ZNF251: variants seen among roughly 807,000 people sequenced by gnomAD.
The protein encoded by ZNF251 is zinc finger protein 251.
Under a neutral mutation model 13.5 loss-of-function variants are expected in ZNF251, and 14 were observed. The observed-to-expected ratio is 1.04, with a 90% CI of 0.69 to 1.63. The LOEUF is 1.63. Among genes scored for constraint, ZNF251 ranks in the 40% most tolerant of loss-of-function variants. ZNF251 has a pLI of 0.00. For synonymous variants in ZNF251, 287 were observed against 295.2 expected, an observed-to-expected ratio of 0.97 and a Z score of 0.28; for missense variants, 764 against 834.9, an observed-to-expected ratio of 0.92 and a Z score of 1.05.
chr8:144,746,766 CT>C (rs35171055), intron 4 of ZNF251, among the ~76,000 whole-genome samples: 9,489 of 146,528 alleles, frequency 0.065, 818 homozygotes, highest in East Asian at 0.37. Flanking sequence ...AGTTGTTCAT[CT>C]TTTTTTTTTT....
Position 144,721,919 on chromosome 8 carries a change from G to A in ZNF251, c.1741C>T (p.Pro581Ser). 1 of 1,513,800 alleles carries A rather than the reference G, an allele frequency of 6.6e-7. No homozygotes were observed. Among genetic ancestry groups the A allele is most frequent in the Non-Finnish European group, 8.8e-7 (1 of 1,130,902 alleles). 93.8% of individuals were successfully genotyped at this position (1,513,800 alleles called of 1,614,324 possible). Reference protein sequence around the residue: ...YGKAFSPTSRPTEDQIMHAGE... With the variant: ...YGKAFSPTSRSTEDQIMHAGE... ...GCATGCATTATCTGATCTTCAGTGG[G>A]TCGTGAGGTGGGACTGAAAGCTTTT... is the stretch of plus-strand genomic sequence containing the variant. The change falls in exon 5 of 5, where the codon CCC (proline) becomes TCC (serine). Residue 581 changes from proline to serine, a missense_variant. Coordinates refer to ENST00000292562, the MANE Select transcript of ZNF251 (RefSeq NM_138367.2).
intron 4 of ZNF251, among the ~76,000 whole-genome samples, chr8:144,742,108 C>A (rs143095567): frequency 6.6e-6 from 1 of 151,846 alleles, no homozygotes. Flanking sequence ...GAGTGACCCA[C>A]GACACACCAC....
chr8:144,749,875 CTTTTTTTTCT>C (rs955998069), intron 4 of ZNF251, among the ~76,000 whole-genome samples: 1 of 129,176 alleles, frequency 7.7e-6, no homozygotes, highest in Non-Finnish European at 1.6e-5. Context: ...TTTTTCTTTT[CTTTTTTTTCT>C]TTTTTTTTTT....
intron 4 of ZNF251, among the ~76,000 whole-genome samples, chr8:144,741,277 G>A (rs1367460895): frequency 1.3e-5 from 2 of 152,230 alleles, no homozygotes; most frequent in Non-Finnish European, 2.9e-5. Flanking sequence ...AGGGCACAGT[G>A]GTGACAGCTC....
intron 4 of ZNF251, among the ~76,000 whole-genome samples, chr8:144,732,909 AT>A (rs907483710): frequency 1.3e-5 from 2 of 151,764 alleles, no homozygotes; most frequent in African/African-American, 4.8e-5. Context: ...AGCAGTAATA[AT>A]TTGCTTGTAT....
At chr8:144,735,211 C>T (rs547043094) in intron 4 of ZNF251, among the ~76,000 whole-genome samples, 12 of 151,702 alleles carry the variant, frequency 7.9e-5, no homozygotes, top group Non-Finnish European at 1.6e-4. Context: ...CATGGTAAAA[C>T]CCCATCTCTA....
chr8:144,754,498 T>C (rs1164113311), intron 2 of ZNF251, 177 bp from the exon 3 acceptor site: 1 of 1,446,692 alleles, frequency 6.9e-7, no homozygotes, highest in Non-Finnish European at 9.1e-7. Context: ...CAACTTCAGC[T>C]ACACGGGGAC....
intron 4 of ZNF251, among the ~76,000 whole-genome samples, chr8:144,752,081 T>G (rs1377439393): frequency 2.8e-5 from 4 of 142,662 alleles, no homozygotes; most frequent in African/African-American, 1.1e-4. Context: ...AATTCCACAA[T>G]CATACTTCTG....
Position 144,754,294 on chromosome 8 carries a change from C to A in ZNF251, c.61G>T (p.Ala21Ser). The stretch of plus-strand genomic sequence containing the variant: ...CCCTCCGCCTGAGAGAAGTACACGG[C>A]CACATCCTGGAAGGTCAGCGGCATC... ...QEMPLTFQDV[A>S]VYFSQAEGRQ... is the part of the protein sequence containing the mutation. The change falls in exon 3 of 5, where the codon GCC becomes TCC. Residue 21 changes from alanine (A) to serine (S), a missense_variant. Transcript: ENST00000292562. The A allele has an allele frequency of 6.2e-7, 1 of 1,612,302 alleles. No homozygotes were observed.
intron 4 of ZNF251, among the ~76,000 whole-genome samples, chr8:144,742,793 T>C (rs958928283): frequency 6.6e-6 from 1 of 152,168 alleles, no homozygotes; most frequent in African/African-American, 2.4e-5. Context: ...ACAAAGGGGA[T>C]TGGGTCCGAG....
At chr8:144,730,735 G>C (rs1050905460) in intron 4 of ZNF251, among the ~76,000 whole-genome samples, 1 of 152,232 alleles carries the variant, frequency 6.6e-6, no homozygotes, top group Non-Finnish European at 1.5e-5. Context: ...AGGACAGGAC[G>C]GAGCCTGTGG....
At chr8:144,736,455 T>TTTTTTTTA (rs1417364527) in intron 4 of ZNF251, among the ~76,000 whole-genome samples, 9 of 142,290 alleles carry the variant, frequency 6.3e-5, no homozygotes, top group Non-Finnish European at 1.1e-4. Context: ...CCTTCCTTTA[T>TTTTTTTTA]TTTATTTATT....
intron 4 of ZNF251, among the ~76,000 whole-genome samples, chr8:144,748,456 G>A (rs1824531737): frequency 6.6e-6 from 1 of 152,040 alleles, no homozygotes; most frequent in Non-Finnish European, 1.5e-5. Flanking sequence ...AGATATTTCC[G>A]CTTTCTTTGG....
intron 4 of ZNF251, among the ~76,000 whole-genome samples, chr8:144,748,720 C>T (rs1183229474): frequency 6.6e-6 from 1 of 152,058 alleles, no homozygotes; most frequent in Non-Finnish European, 1.5e-5. Flanking sequence ...CAACACCACA[C>T]CAAGCTAATT....
At chr8:144,755,148 CGT>C (rs1824899127) in intron 1 of ZNF251, 1 of 1,193,510 alleles carries the variant, frequency 8.4e-7, no homozygotes, top group African/African-American at 1.6e-5. Flanking sequence ...AGGCTGAGGA[CGT>C]GAGAAGGAGG....
Position 144,722,047 on chromosome 8 carries a change from G to A in ZNF251, c.1613C>T (p.Pro538Leu). ...GSSLTADGQI[P>L]TGEKHGRAFN... is the part of the protein sequence containing the mutation. Reference sequence around the variant, plus strand: ...GGCTCTGCCGTGCTTCTCTCCAGTGGGAATCTGTCCATCTGCTGTGAGGCT... The same window carrying A: ...GGCTCTGCCGTGCTTCTCTCCAGTGAGAATCTGTCCATCTGCTGTGAGGCT... Residue 538 changes from proline to leucine, a missense_variant, in exon 5 of 5, where the codon CCC becomes CTC. Physicochemically the swap from Pro to Leu is moderately conservative, Grantham distance 98 (BLOSUM62 -3). Transcript: ENST00000292562. The surrounding 1 kb of genome is among the most constrained non-coding windows in gnomAD (Gnocchi z 4.8). 1 of 1,608,424 alleles carries A rather than the reference G, an allele frequency of 6.2e-7. No individual in the cohort carries two copies. Among genetic ancestry groups the A allele is most frequent in the South Asian group, 1.1e-5 (1 of 89,890 alleles).
intron 4 of ZNF251, among the ~76,000 whole-genome samples, chr8:144,732,550 C>T (rs113630087): frequency 3.8e-4 from 58 of 152,276 alleles, no homozygotes; most frequent in African/African-American, 9.6e-4. Context: ...CGGTGGCTCA[C>T]GCCTGTAATC....
chr8:144,735,404 ATTTTGTAT>A (rs1440490300), intron 4 of ZNF251, among the ~76,000 whole-genome samples: 8 of 147,120 alleles, frequency 5.4e-5, no homozygotes, highest in African/African-American at 2.0e-4. Context: ...AAAAAAAGAG[ATTTTGTAT>A]TTTTGTATTG....
chr8:144,721,484 C>T lies in ZNF251; in HGVS notation c.*160G>A, dbSNP rs1326621737. Reference sequence around the variant, plus strand: ...AGCCTGATTTCCCAGAATGAATTCTCGTGTTTACTTCCAGATTTAATGACT... The same window carrying T: ...AGCCTGATTTCCCAGAATGAATTCTTGTGTTTACTTCCAGATTTAATGACT... On this transcript the variant is annotated 3_prime_UTR_variant, in exon 5 of 5. Transcript: ENST00000292562. 1.1e-5 allele frequency: 8 copies of T among 714,710 alleles called. No homozygotes were observed. Among genetic ancestry groups the T allele is most frequent in the Admixed American group, 4.1e-5 (1 of 24,404 alleles). 44.3% of individuals were successfully genotyped at this position (714,710 alleles called of 1,614,324 possible).
Sources: gnomAD v4.1 joint callset for allele counts (sites outside exome capture counted in the v4.1 genomes callset) on GRCh38, gnomAD v4.1.1 for gene constraint, Gnocchi (gnomAD v3.1) non-coding constraint, MANE v1.5 for transcripts, NCBI Gene and HGNC (gene_info 2026-07-23, HGNC 2026-07-21) for gene names.